Variants in ANKS1B observed in about 807,000 individuals in gnomAD.
The protein encoded by ANKS1B is ankyrin repeat and sterile alpha motif domain containing 1B.
ANKS1B carries 36 observed loss-of-function variants against 148.3 expected under a neutral mutation model. The ratio of observed to expected loss-of-function variants is 0.24; its 90% CI spans 0.19 to 0.32. ANKS1B has a LOEUF of 0.32. ANKS1B is among the 10% of genes least tolerant of loss of function. ANKS1B has a pLI of 1.00. For missense variants in ANKS1B, 1,157 were observed against 1,542.6 expected (o/e 0.75, Z 4.19); for synonymous variants, 542 against 560.8 (o/e 0.97, Z 0.47).
chr12:98,829,168 C>T lies in ANKS1B; in HGVS notation c.3066+6G>A. 1.2e-6 allele frequency: 2 copies of T among 1,613,980 alleles called. No homozygotes were observed. Among genetic ancestry groups the T allele is most frequent in the Non-Finnish European group, 1.7e-6 (2 of 1,179,870 alleles). On this transcript the variant is annotated splice_donor_region_variant and intron_variant, in intron 19 of 26. Coordinates refer to ENST00000683438, the MANE Select transcript of ANKS1B (RefSeq NM_001352186.2). The surrounding 1 kb of genome is among the most constrained non-coding windows in gnomAD (Gnocchi z 5.2). ...AAAAATATCACAAAGGCTTATAACACCTTACCTGAGCCATCTGCCTCTCCA... is the reference window on the plus strand; with the variant it reads ...AAAAATATCACAAAGGCTTATAACATCTTACCTGAGCCATCTGCCTCTCCA...
intron 8 of ANKS1B, among the ~76,000 whole-genome samples, chr12:99,738,154 A>G (rs1776016586): frequency 6.6e-6 from 1 of 152,206 alleles, no homozygotes; most frequent in Non-Finnish European, 1.5e-5. Flanking sequence ...CCAGTATCAT[A>G]TAGGTAGAAA....
At chr12:98,846,034 A>ATATATG (rs1765620731) in intron 17 of ANKS1B, among the ~76,000 whole-genome samples, 1 of 151,400 alleles carries the variant, frequency 6.6e-6, no homozygotes, top group East Asian at 1.9e-4. Context: ...ACATATATAT[A>ATATATG]TATGTATATT....
intron 22 of ANKS1B, among the ~76,000 whole-genome samples, chr12:98,786,759 C>T (rs980931365): frequency 1.8e-4 from 27 of 152,058 alleles, no homozygotes; most frequent in Admixed American, 5.2e-4. Flanking sequence ...GTTAATGTTC[C>T]GAGTAAGAAT....
In ANKS1B at chr12:99,976,174, C is replaced by T. The variant is rs145339058; in HGVS notation, c.134+7930G>A. Among the ~76,000 whole-genome samples the T allele has an allele frequency of 2.8e-3, 419 of 152,106 alleles. 1 individual carries two copies. The highest frequency in any genetic ancestry group is 9.7e-3 in the African/African-American group (401 of 41,480). ...GCATATGTGGACATAAATAAGGGAA[C>T]GAAAGACACAGTGGACTACTAGAGG... On this transcript the variant is annotated intron_variant, in intron 1 of 26. Coordinates refer to ENST00000683438, the MANE Select transcript of ANKS1B (RefSeq NM_001352186.2).
At chr12:99,786,225 G>A (rs1365164467) in intron 4 of ANKS1B, among the ~76,000 whole-genome samples, 1 of 152,188 alleles carries the variant, frequency 6.6e-6, no homozygotes, top group East Asian at 1.9e-4. Flanking sequence ...TTTAATTCAG[G>A]ATTGCGAGGG....
intron 9 of ANKS1B, among the ~76,000 whole-genome samples, chr12:99,635,214 A>G (rs1392619109): frequency 6.6e-6 from 1 of 152,194 alleles, no homozygotes; most frequent in East Asian, 1.9e-4. Flanking sequence ...TCTTAAAATT[A>G]GAAATAGAAT....
intron 9 of ANKS1B, among the ~76,000 whole-genome samples, chr12:99,544,770 A>T (rs1047409915): frequency 6.6e-6 from 1 of 152,120 alleles, no homozygotes; most frequent in Non-Finnish European, 1.5e-5. Context: ...TCTGAGACTC[A>T]CCTCCCAACA....
chr12:99,339,836 T>C (rs551886310), intron 12 of ANKS1B, among the ~76,000 whole-genome samples: 7 of 152,266 alleles, frequency 4.6e-5, no homozygotes, highest in African/African-American at 1.7e-4. Flanking sequence ...ACAAAACTTT[T>C]AGTCCTCTAC....
intron 25 of ANKS1B, among the ~76,000 whole-genome samples, chr12:98,756,374 C>G (rs1310472175): frequency 2.0e-5 from 3 of 152,020 alleles, no homozygotes; most frequent in African/African-American, 7.2e-5. Context: ...ATAGGCCTCC[C>G]CAGCCATGTG....
chr12:99,310,799 T>C (rs929823378), intron 12 of ANKS1B, among the ~76,000 whole-genome samples: 2 of 152,152 alleles, frequency 1.3e-5, no homozygotes, highest in Non-Finnish European at 2.9e-5. Context: ...GTCTACATCC[T>C]ATTGTTTCTA....
intron 10 of ANKS1B, among the ~76,000 whole-genome samples, chr12:99,471,802 T>C (rs572572889): frequency 6.6e-6 from 1 of 152,252 alleles, no homozygotes; most frequent in Non-Finnish European, 1.5e-5. Context: ...ATGCAGGTTT[T>C]CCTATAATCT....
chr12:99,303,746 C>T (rs572551483), intron 12 of ANKS1B, among the ~76,000 whole-genome samples: 1 of 152,238 alleles, frequency 6.6e-6, no homozygotes, highest in African/African-American at 2.4e-5. Context: ...GGAGGGTACA[C>T]TGTACTCAAT....
intron 18 of ANKS1B, among the ~76,000 whole-genome samples, chr12:98,830,504 A>C (rs2099296441): frequency 6.6e-6 from 1 of 152,078 alleles, no homozygotes; most frequent in South Asian, 2.1e-4. Flanking sequence ...TTTCCTCTCC[A>C]AAGCTGAATC....
intron 8 of ANKS1B, among the ~76,000 whole-genome samples, chr12:99,752,566 C>T (rs181519771): frequency 3.8e-4 from 57 of 151,856 alleles, no homozygotes; most frequent in South Asian, 1.5e-3. Context: ...TTTCTCATTA[C>T]GCAATAAGAT....
At chr12:99,781,581 G>A (rs900878250) in intron 5 of ANKS1B, among the ~76,000 whole-genome samples, 12 of 152,162 alleles carry the variant, frequency 7.9e-5, no homozygotes, top group Non-Finnish European at 5.9e-5. Context: ...GAACTAACTA[G>A]AAGGACAATT....
intron 17 of ANKS1B, among the ~76,000 whole-genome samples, chr12:98,970,515 C>A (rs778488942): frequency 3.3e-5 from 5 of 152,174 alleles, no homozygotes; most frequent in Non-Finnish European, 7.4e-5. Context: ...TTGCAATAAT[C>A]TTAAGCAAAA....
chr12:99,687,275 A>G (rs1035512837), intron 8 of ANKS1B, among the ~76,000 whole-genome samples: 1 of 152,084 alleles, frequency 6.6e-6, no homozygotes, highest in Non-Finnish European at 1.5e-5. Flanking sequence ...TCTTTACATC[A>G]CTGATTTTCA....
At chr12:98,857,131 T>C (rs147078446) in intron 17 of ANKS1B, among the ~76,000 whole-genome samples, 1 of 152,280 alleles carries the variant, frequency 6.6e-6, no homozygotes, top group African/African-American at 2.4e-5. Flanking sequence ...ATTAATCCTA[T>C]ATGAAAGGAC....
At chr12:99,971,364 C>T (rs905323466) in intron 1 of ANKS1B, among the ~76,000 whole-genome samples, 19 of 152,178 alleles carry the variant, frequency 1.2e-4, no homozygotes, top group Non-Finnish European at 7.4e-5. Flanking sequence ...CAAAGAACAT[C>T]CCTGCAGAAT....
Sources: allele counts gnomAD v4.1 joint callset (sites outside exome capture counted in the v4.1 genomes callset), GRCh38; gene constraint gnomAD v4.1.1; non-coding constraint Gnocchi (gnomAD v3.1); transcripts MANE v1.5; gene names NCBI Gene and HGNC (gene_info 2026-07-23, HGNC 2026-07-21).